Variants in SLC24A2 observed in about 807,000 individuals in gnomAD.
SLC24A2 encodes the protein sodium/potassium/calcium exchanger 2.
SLC24A2 carries 36 observed loss-of-function variants against 62.0 expected under a neutral mutation model. The ratio of observed to expected loss-of-function variants is 0.58; its 90% confidence interval spans 0.44 to 0.77. The LOEUF (loss-of-function observed/expected upper bound fraction) is 0.77. SLC24A2 is among the 30% of genes least tolerant of loss of function. SLC24A2 has a pLI of 0.00. For missense variants in SLC24A2, 846 were observed against 817.9 expected, an observed-to-expected ratio of 1.03 and a Z score of -0.42; for synonymous variants, 358 against 294.0, an observed-to-expected ratio of 1.22 and a Z score of -2.23.
the SLC24A2 span, among the ~76,000 whole-genome samples, chr9:20,117,255 T>C: frequency 1.3e-5 from 2 of 152,174 alleles, no homozygotes; most frequent in East Asian, 3.8e-4. Flanking sequence ...AAGAAGTATG[T>C]TCTTTTCTTC....
At chr9:19,684,568 A>G (rs1819822855) in intron 2 of SLC24A2, among the ~76,000 whole-genome samples, 1 of 152,130 alleles carries the variant, frequency 6.6e-6, no homozygotes, top group African/African-American at 2.4e-5. Context: ...TCTATCTGAC[A>G]GGCAAAGGTG....
the SLC24A2 span, among the ~76,000 whole-genome samples, chr9:20,277,065 T>C: frequency 2.0e-5 from 3 of 152,208 alleles, no homozygotes; most frequent in Non-Finnish European, 4.4e-5. Flanking sequence ...TGGCTCCTCA[T>C]TACCTTTGCA....
At chr9:19,766,214 T>C (rs1193437681) in intron 2 of SLC24A2, among the ~76,000 whole-genome samples, 1 of 152,210 alleles carries the variant, frequency 6.6e-6, no homozygotes, top group Non-Finnish European at 1.5e-5. Flanking sequence ...TTATCAAGGT[T>C]CTTAGCTTCC....
At chr9:19,795,881 C>A in the SLC24A2 span, among the ~76,000 whole-genome samples, 1 of 151,884 alleles carries the variant, frequency 6.6e-6, no homozygotes, top group South Asian at 2.1e-4. Flanking sequence ...AAATGTCCAA[C>A]AATGATAGAC....
intron 2 of SLC24A2, among the ~76,000 whole-genome samples, chr9:19,661,733 C>T (rs1029706686): frequency 6.6e-6 from 1 of 152,102 alleles, no homozygotes; most frequent in Non-Finnish European, 1.5e-5. Context: ...AAAGGCAGCC[C>T]TTGACAAAAA....
At chr9:20,259,342 A>G in the SLC24A2 span, among the ~76,000 whole-genome samples, 1 of 152,178 alleles carries the variant, frequency 6.6e-6, no homozygotes, top group African/African-American at 2.4e-5. Context: ...ATGCACACAG[A>G]TATTACTATA....
At chr9:19,900,700 A>T in the SLC24A2 span, among the ~76,000 whole-genome samples, 1 of 152,236 alleles carries the variant, frequency 6.6e-6, no homozygotes, top group Non-Finnish European at 1.5e-5. Context: ...AATGCAAGCA[A>T]TTCTTACAGG....
At chr9:20,199,513 T>C in the SLC24A2 span, among the ~76,000 whole-genome samples, 128 of 152,302 alleles carry the variant, frequency 8.4e-4, no homozygotes, top group South Asian at 1.2e-3. Context: ...CTTGAGAGTG[T>C]TTTAAATTTT....
At chr9:20,301,779 G>T in the SLC24A2 span, among the ~76,000 whole-genome samples, 1 of 151,946 alleles carries the variant, frequency 6.6e-6, no homozygotes, top group Non-Finnish European at 1.5e-5. Context: ...TTACATTAGG[G>T]TTCACTCTTG....
chr9:19,800,535 GTTAA>G, the SLC24A2 span, among the ~76,000 whole-genome samples: 7 of 152,102 alleles, frequency 4.6e-5, no homozygotes, highest in East Asian at 1.9e-4. Flanking sequence ...CATTTCTTGG[GTTAA>G]TTGTGTATGG....
chr9:19,965,746 T>C, the SLC24A2 span, among the ~76,000 whole-genome samples: 1 of 152,208 alleles, frequency 6.6e-6, no homozygotes, highest in Non-Finnish European at 1.5e-5. Context: ...GCAGGAATTT[T>C]AGCCAGTGTT....
At chr9:19,783,051 G>C (rs975626487) in intron 2 of SLC24A2, among the ~76,000 whole-genome samples, 1 of 152,152 alleles carries the variant, frequency 6.6e-6, no homozygotes, top group Non-Finnish European at 1.5e-5. Flanking sequence ...AATGAGATGA[G>C]AAACTGTTGC....
intron 2 of SLC24A2, among the ~76,000 whole-genome samples, chr9:19,681,090 CT>C (rs1029730594): frequency 4.6e-5 from 7 of 152,094 alleles, no homozygotes; most frequent in Non-Finnish European, 7.4e-5. Context: ...AAATGGCCCC[CT>C]ATCTCAGAGC....
chr9:20,233,953 C>T, the SLC24A2 span, among the ~76,000 whole-genome samples: 1 of 152,162 alleles, frequency 6.6e-6, no homozygotes, highest in African/African-American at 2.4e-5. Context: ...TTTTGCTTGT[C>T]TGTAAAGTAT....
At position 19,542,314 on chromosome 9, in the gene SLC24A2, G is replaced by T. The variant is rs188375247; in HGVS notation, c.1479+7823C>A. On this transcript the variant is annotated intron_variant, in intron 8 of 10. Coordinates refer to ENST00000341998, the MANE Select transcript of SLC24A2 (RefSeq NM_020344.4). ...TATTGTATCCTGAGGTGCTGAAGTT[G>T]CTTATCAGCTTAAGGAGATTTTGGG... Among the ~76,000 whole-genome samples, 97 of 152,308 alleles carry T rather than the reference G, an allele frequency of 6.4e-4. 1 individual carries two copies. Among genetic ancestry groups the T allele is most frequent in the African/African-American group, 2.3e-3 (96 of 41,566 alleles).
the SLC24A2 span, among the ~76,000 whole-genome samples, chr9:20,185,178 T>A: frequency 6.6e-6 from 1 of 152,120 alleles, no homozygotes; most frequent in African/African-American, 2.4e-5. Flanking sequence ...TTATGCAACA[T>A]GATGACTATA....
chr9:20,243,444 A>G, the SLC24A2 span, among the ~76,000 whole-genome samples: 3 of 152,202 alleles, frequency 2.0e-5, no homozygotes, highest in Non-Finnish European at 2.9e-5. Context: ...AGTATATAAT[A>G]CTGTTTGTGG....
the SLC24A2 span, among the ~76,000 whole-genome samples, chr9:20,077,964 T>A: frequency 6.6e-6 from 1 of 152,106 alleles, no homozygotes; most frequent in African/African-American, 2.4e-5. Flanking sequence ...GAGGTTAGGC[T>A]CCACTAAAGA....
intron 7 of SLC24A2, among the ~76,000 whole-genome samples, chr9:19,568,970 A>G (rs1255354933): frequency 6.6e-6 from 1 of 152,168 alleles, no homozygotes; most frequent in Non-Finnish European, 1.5e-5. Context: ...GTGTACAAAT[A>G]TACTGGATAC....
Sources: allele counts gnomAD v4.1 joint callset (sites outside exome capture counted in the v4.1 genomes callset), GRCh38; gene constraint gnomAD v4.1.1; transcripts MANE v1.5; gene names NCBI Gene and HGNC (gene_info 2026-07-23, HGNC 2026-07-21).